Variants in MYO16 observed in about 807,000 individuals in gnomAD.
MYO16 encodes myosin XVI, also known as unconventional myosin-XVI.
Under a neutral mutation model 205.3 loss-of-function variants are expected in MYO16, and 94 were observed. The ratio of observed to expected loss-of-function variants is 0.46; its 90% CI spans 0.39 to 0.54. MYO16 has a LOEUF of 0.54. Among genes scored for constraint, MYO16 ranks in the 20% least tolerant of loss-of-function variants. The probability of loss-of-function intolerance (pLI) is 0.00; values close to 1 mark genes in which losing one functional copy is unlikely to be tolerated. For synonymous variants in MYO16, 988 were observed against 954.0 expected, an observed-to-expected ratio of 1.04 and a Z score of -0.66; for missense variants, 2,315 against 2,387.5, an observed-to-expected ratio of 0.97 and a Z score of 0.63.
At chr13:108,902,908 T>C (rs1408617085) in intron 15 of MYO16, among the ~76,000 whole-genome samples, 1 of 152,162 alleles carries the variant, frequency 6.6e-6, no homozygotes, top group Non-Finnish European at 1.5e-5. Context: ...AAACAAACAG[T>C]TCATAAGTTT....
At chr13:108,986,622 CAAAAAAAAAAA>C (rs11350100) in intron 20 of MYO16, among the ~76,000 whole-genome samples, 2 of 69,528 alleles carry the variant, frequency 2.9e-5, no homozygotes, top group Admixed American at 3.6e-4. Flanking sequence ...AACTCCGTCT[CAAAAAAAAAAA>C]AAAAAAAAAA....
chr13:108,516,048 G>A, the MYO16 span, among the ~76,000 whole-genome samples: 4 of 143,788 alleles, frequency 2.8e-5, no homozygotes, highest in Admixed American at 6.9e-5. Context: ...AGCAAGCCTG[G>A]GCAATGGCGG....
At chr13:108,505,179 T>G in the MYO16 span, among the ~76,000 whole-genome samples, 1 of 152,200 alleles carries the variant, frequency 6.6e-6, no homozygotes, top group Non-Finnish European at 1.5e-5. Context: ...CCCAAAGAAG[T>G]AGGATTCCTG....
intron 6 of MYO16, among the ~76,000 whole-genome samples, chr13:108,796,948 T>TA (rs891708774): frequency 7.0e-5 from 9 of 129,484 alleles, no homozygotes; most frequent in African/African-American, 8.8e-5. Flanking sequence ...AAATTAAAAT[T>TA]AAAAAAAAAG....
At chr13:108,573,483 A>G in the MYO16 span, among the ~76,000 whole-genome samples, 4,997 of 152,298 alleles carry the variant, frequency 0.033, 247 homozygotes, top group African/African-American at 0.11. Flanking sequence ...CTGTTTTGAT[A>G]CTTCTAGCTT....
chr13:108,660,532 C>T (rs900823925), intron 1 of MYO16, among the ~76,000 whole-genome samples: 3 of 152,182 alleles, frequency 2.0e-5, no homozygotes, highest in Non-Finnish European at 4.4e-5. Flanking sequence ...TAATGTCTCT[C>T]TTTGTCTCTT....
chr13:109,001,635 A>G (rs1885216905), intron 21 of MYO16, among the ~76,000 whole-genome samples: 1 of 152,216 alleles, frequency 6.6e-6, no homozygotes, highest in Non-Finnish European at 1.5e-5. Context: ...CTGCCGTTTC[A>G]TAGGCAATAT....
At chr13:108,663,830 A>C (rs1881608292) in intron 1 of MYO16, among the ~76,000 whole-genome samples, 1 of 152,202 alleles carries the variant, frequency 6.6e-6, no homozygotes, top group African/African-American at 2.4e-5. Context: ...TTAATTCTTT[A>C]GGCTTTTTTT....
intron 13 of MYO16, among the ~76,000 whole-genome samples, chr13:108,886,804 C>T (rs1382598762): frequency 6.6e-6 from 1 of 152,062 alleles, no homozygotes; most frequent in African/African-American, 2.4e-5. Context: ...TGACTGTCTG[C>T]CTGAAGCAAG....
At chr13:108,941,884 CAT>C (rs1409287100) in intron 16 of MYO16, among the ~76,000 whole-genome samples, 1 of 152,090 alleles carries the variant, frequency 6.6e-6, no homozygotes, top group Non-Finnish European at 1.5e-5. Flanking sequence ...TAAAAATTAA[CAT>C]ATTTTGCTGC....
chr13:108,796,827 T>C lies in MYO16; in HGVS notation c.741+3187T>C, dbSNP rs188773487. Reference sequence around the variant, plus strand: ...GATATACCTAATGTAAAATGACGAGTTAATGGGTGCAGCACACCAACATGG... The same window carrying C: ...GATATACCTAATGTAAAATGACGAGCTAATGGGTGCAGCACACCAACATGG... On this transcript the variant is annotated intron_variant, in intron 6 of 34. Transcript: ENST00000457511. Among the ~76,000 whole-genome samples the C allele has an allele frequency of 2.9e-3, 427 of 147,662 alleles. 4 individuals carry two copies. Among genetic ancestry groups the C allele is most frequent in the Non-Finnish European group, 3.3e-3 (221 of 66,952 alleles).
chr13:108,750,283 T>C (rs956265934), intron 4 of MYO16, among the ~76,000 whole-genome samples: 4 of 152,202 alleles, frequency 2.6e-5, no homozygotes, highest in African/African-American at 9.6e-5. Flanking sequence ...TAGGCTGTCC[T>C]GGGATCCAAA....
chr13:108,710,740 C>T (rs1883687732), intron 2 of MYO16, among the ~76,000 whole-genome samples: 1 of 152,152 alleles, frequency 6.6e-6, no homozygotes, highest in South Asian at 2.1e-4. Flanking sequence ...ATGTATAATT[C>T]ACTGTGTGTC....
At chr13:108,983,226 T>A (rs1884508514) in intron 20 of MYO16, among the ~76,000 whole-genome samples, 1 of 152,208 alleles carries the variant, frequency 6.6e-6, no homozygotes, top group Non-Finnish European at 1.5e-5. Context: ...TGATTTCATC[T>A]CTCCATTCTC....
chr13:108,991,956 G>C (rs1474792068), intron 20 of MYO16, among the ~76,000 whole-genome samples: 4 of 152,194 alleles, frequency 2.6e-5, no homozygotes, highest in Admixed American at 2.6e-4. Context: ...GTTTAAGGGT[G>C]CATGTACAGG....
chr13:109,062,066 A>G (rs1887610253), intron 27 of MYO16, among the ~76,000 whole-genome samples: 2 of 151,200 alleles, frequency 1.3e-5, no homozygotes, highest in South Asian at 4.1e-4. Flanking sequence ...TTTCCCCAGA[A>G]GAGAGTGGAG....
intron 32 of MYO16, among the ~76,000 whole-genome samples, chr13:109,150,708 T>C (rs1877612209): frequency 6.6e-6 from 1 of 152,156 alleles, no homozygotes; most frequent in African/African-American, 2.4e-5. Flanking sequence ...ATTCTGAAAA[T>C]AAGGCAGACT....
At chr13:109,205,035 T>A (rs1200716517) in intron 34 of MYO16, among the ~76,000 whole-genome samples, 2 of 140,138 alleles carry the variant, frequency 1.4e-5, no homozygotes, top group African/African-American at 5.7e-5. Context: ...GCCATTCTGA[T>A]GCAGCCCTAA....
chr13:108,664,466 G>A (rs540315254), intron 1 of MYO16, among the ~76,000 whole-genome samples: 75 of 152,286 alleles, frequency 4.9e-4, no homozygotes, highest in African/African-American at 1.7e-3. Context: ...GCACCTGGCG[G>A]CTGTGAGAAT....
Sources: gnomAD v4.1 joint callset for allele counts (sites outside exome capture counted in the v4.1 genomes callset) on GRCh38, gnomAD v4.1.1 for gene constraint, MANE v1.5 for transcripts, NCBI Gene and HGNC (gene_info 2026-07-23, HGNC 2026-07-21) for gene names.